ADGRV1: variants seen among roughly 807,000 people sequenced by gnomAD.
ADGRV1 encodes the protein adhesion G protein-coupled receptor V1, also known as G-protein coupled receptor 98.
In ADGRV1, 359 loss-of-function variants were observed where a neutral mutation model predicts 596.2. That is an observed-to-expected ratio of 0.60 (90% CI 0.55 to 0.66). The LOEUF (loss-of-function observed/expected upper bound fraction) is 0.66, where lower values mean the gene tolerates loss of function less well. Ranked by LOEUF, ADGRV1 falls within the 30% of genes least tolerant of loss-of-function variation. The probability of loss-of-function intolerance (pLI) is 0.00; values close to 1 mark genes in which losing one functional copy is unlikely to be tolerated. For synonymous variants in ADGRV1, 2,681 were observed against 2,679.2 expected (o/e 1.00, Z -0.02); for missense variants, 7,274 against 7,575.6 (o/e 0.96, Z 1.48).
intron 85 of ADGRV1, among the ~76,000 whole-genome samples, chr5:91,038,983 G>T (rs1785121021): frequency 6.6e-6 from 1 of 152,116 alleles, no homozygotes. Flanking sequence ...CTAATGAGGA[G>T]TATGTCCTTT....
At chr5:91,138,897 G>A (rs929810954) in intron 87 of ADGRV1, among the ~76,000 whole-genome samples, 5 of 151,530 alleles carry the variant, frequency 3.3e-5, no homozygotes, top group South Asian at 2.1e-4. Context: ...TCAGCTTCCC[G>A]AGTAACTGGG....
chr5:91,143,073 C>T (rs1582194383), intron 87 of ADGRV1, among the ~76,000 whole-genome samples: 2 of 152,326 alleles, frequency 1.3e-5, no homozygotes, highest in African/African-American at 4.8e-5. Flanking sequence ...CAGCTCCAGA[C>T]ACCGCCACAG....
At chr5:91,134,725 CTTT>C (rs1365088929) in intron 87 of ADGRV1, among the ~76,000 whole-genome samples, 2 of 151,964 alleles carry the variant, frequency 1.3e-5, no homozygotes, top group African/African-American at 4.8e-5. Flanking sequence ...GATTTTATTT[CTTT>C]GTCTTATAAA....
chr5:90,993,732 C>G (rs998539500), intron 85 of ADGRV1, among the ~76,000 whole-genome samples: 2 of 151,656 alleles, frequency 1.3e-5, no homozygotes, highest in Non-Finnish European at 2.9e-5. Context: ...GTGGGTCTCT[C>G]GGAGTGGAGT....
intron 1 of ADGRV1, among the ~76,000 whole-genome samples, chr5:90,581,360 T>C (rs148009923): frequency 0.018 from 2,682 of 152,328 alleles, 73 homozygotes; most frequent in African/African-American, 0.061. Flanking sequence ...ATTTTCAGCT[T>C]TTCTGCTCTG....
intron 83 of ADGRV1, among the ~76,000 whole-genome samples, chr5:90,951,587 A>G (rs1403634965): frequency 1.3e-5 from 2 of 152,184 alleles, no homozygotes; most frequent in Non-Finnish European, 2.9e-5. Flanking sequence ...ATTGACATGT[A>G]CTATAGTTAA....
intron 6 of ADGRV1, chr5:90,626,469 G>T (rs1438897605): frequency 2.0e-5 from 3 of 152,024 alleles, no homozygotes; most frequent in African/African-American, 7.2e-5. Flanking sequence ...TTATATTGCT[G>T]CTGATGGAGG....
chr5:90,983,568 T>G (rs1193415502), intron 84 of ADGRV1, among the ~76,000 whole-genome samples: 2 of 152,176 alleles, frequency 1.3e-5, no homozygotes, highest in African/African-American at 4.8e-5. Flanking sequence ...TTGTATGAAT[T>G]TTCATTCTTT....
intron 86 of ADGRV1, among the ~76,000 whole-genome samples, chr5:91,099,545 A>G (rs936585266): frequency 6.6e-6 from 1 of 152,150 alleles, no homozygotes; most frequent in Non-Finnish European, 1.5e-5. Context: ...GAGCGAGGGA[A>G]TGGGTAACAG....
intron 87 of ADGRV1, among the ~76,000 whole-genome samples, chr5:91,108,593 T>C (rs1440857710): frequency 1.3e-5 from 2 of 151,278 alleles, no homozygotes; most frequent in African/African-American, 2.4e-5. Context: ...CCTCTTTCTC[T>C]ACAGTCTTTT....
chr5:91,082,787 A>G (rs1227278015), intron 86 of ADGRV1, among the ~76,000 whole-genome samples: 1 of 152,170 alleles, frequency 6.6e-6, no homozygotes, highest in Non-Finnish European at 1.5e-5. Context: ...ACTGTAACAC[A>G]CTATGGCTCT....
chr5:90,571,362 T>C (rs1756506942), intron 1 of ADGRV1, among the ~76,000 whole-genome samples: 1 of 151,862 alleles, frequency 6.6e-6, no homozygotes, highest in African/African-American at 2.4e-5. Context: ...GGTGAGAATG[T>C]AGGGCTTTTA....
intron 52 of ADGRV1, among the ~76,000 whole-genome samples, chr5:90,748,184 C>T (rs1754834624): frequency 6.6e-6 from 1 of 152,110 alleles, no homozygotes; most frequent in South Asian, 2.1e-4. Context: ...AGTCTTGTGT[C>T]TGTTGCATGC....
At chr5:91,147,409 G>T (rs1007474899) in intron 87 of ADGRV1, among the ~76,000 whole-genome samples, 1 of 152,132 alleles carries the variant, frequency 6.6e-6, no homozygotes, top group Non-Finnish European at 1.5e-5. Flanking sequence ...TCTCGCCTTG[G>T]ATTGTAATAA....
intron 77 of ADGRV1, among the ~76,000 whole-genome samples, chr5:90,840,292 A>G (rs573491722): frequency 1.3e-5 from 2 of 152,286 alleles, no homozygotes; most frequent in African/African-American, 4.8e-5. Context: ...TTCAATCACA[A>G]TTGGAGAAAT....
At chr5:91,074,790 A>C (rs1183324914) in intron 86 of ADGRV1, among the ~76,000 whole-genome samples, 1 of 152,182 alleles carries the variant, frequency 6.6e-6, no homozygotes, top group East Asian at 1.9e-4. Flanking sequence ...CATTCCTACC[A>C]GTAGTGTATA....
chr5:91,047,906 C>G (rs1477456585), intron 85 of ADGRV1, among the ~76,000 whole-genome samples: 2 of 152,172 alleles, frequency 1.3e-5, no homozygotes, highest in East Asian at 3.8e-4. Flanking sequence ...CTGTAAATCA[C>G]AAAGATAGTC....
chr5:90,883,550 A>G (rs1473365430), intron 83 of ADGRV1, among the ~76,000 whole-genome samples: 2 of 152,118 alleles, frequency 1.3e-5, no homozygotes, highest in African/African-American at 4.8e-5. Context: ...TTCTGAATAT[A>G]ACTTGGAGTG....
intron 11 of ADGRV1, among the ~76,000 whole-genome samples, chr5:90,639,048 C>A (rs909561503): frequency 6.1e-5 from 9 of 146,578 alleles, no homozygotes; most frequent in Admixed American, 4.9e-4. Flanking sequence ...AACAAAAAAA[C>A]CAAAAAGCAA....
Sources: allele counts gnomAD v4.1 joint callset (sites outside exome capture counted in the v4.1 genomes callset), GRCh38; gene constraint gnomAD v4.1.1; transcripts MANE v1.5; gene names NCBI Gene and HGNC (gene_info 2026-07-23, HGNC 2026-07-21).